The following TRPM3 variants were observed in gnomAD, a reference collection of about 807,000 sequenced individuals.
The protein encoded by TRPM3 is transient receptor potential cation channel subfamily M member 3.
A neutral mutation model predicts 181.2 loss-of-function variants in TRPM3; 77 were observed. That is an observed-to-expected ratio of 0.42 (90% confidence interval 0.35 to 0.51). TRPM3 has a LOEUF of 0.51. Ranked by LOEUF, TRPM3 falls within the 20% of genes least tolerant of loss-of-function variation. The pLI, the probability that TRPM3 is intolerant of heterozygous loss-of-function variation, is 0.01. For synonymous variants in TRPM3, 745 were observed against 796.4 expected (o/e 0.94, Z 1.09); for missense variants, 1,759 against 2,196.7 (o/e 0.80, Z 3.98).
At chr9:70,914,088 A>G (rs12338522) in intron 1 of TRPM3, among the ~76,000 whole-genome samples, 8,419 of 152,202 alleles carry the variant, frequency 0.055, 802 homozygotes, top group African/African-American at 0.19. Context: ...CTAACCCTCA[A>G]TCCAACAGTA....
intron 1 of TRPM3, among the ~76,000 whole-genome samples, chr9:71,066,837 T>C (rs1226506600): frequency 6.6e-6 from 1 of 152,220 alleles, no homozygotes; most frequent in Non-Finnish European, 1.5e-5. Context: ...CCCTGTTCCC[T>C]CTTTTTATCT....
chr9:70,739,354 A>G (rs2073478788), intron 8 of TRPM3, among the ~76,000 whole-genome samples: 1 of 152,230 alleles, frequency 6.6e-6, no homozygotes, highest in South Asian at 2.1e-4. Context: ...GATACACCAC[A>G]TCAACAGAAT....
intron 1 of TRPM3, among the ~76,000 whole-genome samples, chr9:70,895,680 T>C (rs1323311859): frequency 6.6e-6 from 1 of 152,130 alleles, no homozygotes; most frequent in Non-Finnish European, 1.5e-5. Context: ...ATGAATACCA[T>C]TTTCAGTGAA....
intron 1 of TRPM3, among the ~76,000 whole-genome samples, chr9:71,223,248 A>T (rs2080356379): frequency 6.6e-6 from 1 of 152,114 alleles, no homozygotes; most frequent in African/African-American, 2.4e-5. Context: ...CACCAGTCAG[A>T]GTCATGAGGC....
intron 1 of TRPM3, among the ~76,000 whole-genome samples, chr9:71,099,948 A>G (rs2068030498): frequency 6.6e-6 from 1 of 152,074 alleles, no homozygotes; most frequent in African/African-American, 2.4e-5. Context: ...CTATTGACGT[A>G]TACTGATTGT....
chr9:70,940,693 C>G (rs2096877519), intron 1 of TRPM3, among the ~76,000 whole-genome samples: 1 of 152,166 alleles, frequency 6.6e-6, no homozygotes, highest in African/African-American at 2.4e-5. Flanking sequence ...GGAAGGACTT[C>G]TCTGAGGAGA....
chr9:71,408,960 A>G lies in TRPM3; in HGVS notation c.183+37693T>C, dbSNP rs140280642. Among the ~76,000 whole-genome samples the G allele has an allele frequency of 7.2e-3, 1,104 of 152,342 alleles. 11 individuals are homozygous for G. The highest frequency in any genetic ancestry group is 0.028 in the South Asian group (137 of 4,824). On this transcript the variant is annotated intron_variant, in intron 1 of 24. Transcript: ENST00000357533. ...GTGGGGGCCAATATTCAATATTCAT[A>G]AAGAAAATAATTTTCAACCCAGAAT...
chr9:71,083,296 G>A (rs1042223021), intron 1 of TRPM3, among the ~76,000 whole-genome samples: 4 of 152,040 alleles, frequency 2.6e-5, no homozygotes, highest in Admixed American at 6.6e-5. Flanking sequence ...ACATCATCTC[G>A]TGAAATGCTT....
intron 5 of TRPM3, among the ~76,000 whole-genome samples, chr9:70,839,121 G>T (rs2094493940): frequency 6.6e-6 from 1 of 152,250 alleles, no homozygotes; most frequent in South Asian, 2.1e-4. Flanking sequence ...TGCAGCTTGG[G>T]GGTAGGATTA....
chr9:71,068,740 C>G (rs908024611), intron 1 of TRPM3, among the ~76,000 whole-genome samples: 1 of 152,134 alleles, frequency 6.6e-6, no homozygotes, highest in East Asian at 1.9e-4. Context: ...GAATGTGGAG[C>G]CTAGGAATCT....
chr9:70,833,531 G>T (rs1331194681), intron 5 of TRPM3, among the ~76,000 whole-genome samples: 3 of 152,106 alleles, frequency 2.0e-5, no homozygotes, highest in Admixed American at 1.3e-4. Flanking sequence ...CCCATTGACG[G>T]CATACTTTAT....
intron 1 of TRPM3, 23 bp from the exon 2 acceptor site, chr9:70,864,534 A>AAAG: frequency 6.8e-7 from 1 of 1,465,696 alleles, no homozygotes; most frequent in Non-Finnish European, 9.0e-7. Flanking sequence ...ACAAAAAAAA[A>AAAG]AAAAAAAGAA....
At chr9:71,340,060 T>C (rs980178879) in intron 1 of TRPM3, among the ~76,000 whole-genome samples, 3 of 152,154 alleles carry the variant, frequency 2.0e-5, no homozygotes, top group African/African-American at 7.2e-5. Flanking sequence ...AAAAGAAATC[T>C]ACACAACATT....
intron 6 of TRPM3, among the ~76,000 whole-genome samples, chr9:70,805,681 C>T (rs948937221): frequency 1.3e-5 from 2 of 151,404 alleles, no homozygotes; most frequent in Non-Finnish European, 2.9e-5. Flanking sequence ...ATAATTCATA[C>T]ACCCTATAAG....
intron 1 of TRPM3, among the ~76,000 whole-genome samples, chr9:70,987,360 T>A (rs777762248): frequency 4.6e-5 from 7 of 152,216 alleles, no homozygotes; most frequent in African/African-American, 1.7e-4. Flanking sequence ...ATGTAATTTT[T>A]GTATTTCCTG....
At chr9:70,637,848 T>C (rs2057458751) in intron 11 of TRPM3, among the ~76,000 whole-genome samples, 1 of 152,168 alleles carries the variant, frequency 6.6e-6, no homozygotes, top group Non-Finnish European at 1.5e-5. Context: ...TGAATTCACC[T>C]TGGCCTCTGC....
intron 1 of TRPM3, among the ~76,000 whole-genome samples, chr9:71,187,128 G>C (rs537181825): frequency 1.3e-5 from 2 of 152,042 alleles, no homozygotes; most frequent in Admixed American, 1.3e-4. Flanking sequence ...GATTAAACAA[G>C]CCTTTGAATA....
At chr9:70,975,838 G>T (rs1280597056) in intron 1 of TRPM3, among the ~76,000 whole-genome samples, 1 of 152,194 alleles carries the variant, frequency 6.6e-6, no homozygotes, top group East Asian at 1.9e-4. Flanking sequence ...GCAAACTTCG[G>T]CACATTACCT....
intron 1 of TRPM3, among the ~76,000 whole-genome samples, chr9:71,312,461 T>C (rs1450874798): frequency 1.3e-5 from 2 of 152,136 alleles, no homozygotes; most frequent in Admixed American, 6.6e-5. Flanking sequence ...GAATGCAAAA[T>C]TGGCACAGCC....
Sources: allele counts gnomAD v4.1 joint callset (sites outside exome capture counted in the v4.1 genomes callset), GRCh38; gene constraint gnomAD v4.1.1; transcripts MANE v1.5; gene names NCBI Gene and HGNC (gene_info 2026-07-23, HGNC 2026-07-21).